The following CNTLN variants were observed in gnomAD, a reference collection of about 807,000 sequenced individuals.
CNTLN encodes the protein centlein, centrosomal protein.
Under a neutral mutation model 180.0 loss-of-function variants are expected in CNTLN, and 212 were observed. The observed-to-expected ratio is 1.18, with a 90% CI of 1.05 to 1.32. The LOEUF (loss-of-function observed/expected upper bound fraction) is 1.32. Ranked by LOEUF, CNTLN falls within the 40% of genes most tolerant of loss-of-function variation. CNTLN has a pLI of 0.00. For synonymous variants in CNTLN, 722 were observed against 563.1 expected, an observed-to-expected ratio of 1.28 and a Z score of -3.99; for missense variants, 2,095 against 1,610.9, an observed-to-expected ratio of 1.30 and a Z score of -5.14.
chr9:17,521,185 C>A, the CNTLN span, among the ~76,000 whole-genome samples: 2 of 151,322 alleles, frequency 1.3e-5, no homozygotes, highest in Non-Finnish European at 2.9e-5. Flanking sequence ...GGATGTGATT[C>A]CCAAACCTTC....
chr9:17,273,281 C>G (rs1001667081), intron 5 of CNTLN, among the ~76,000 whole-genome samples: 3 of 152,118 alleles, frequency 2.0e-5, no homozygotes, highest in Non-Finnish European at 4.4e-5. Flanking sequence ...GTCTCAAACT[C>G]TGAAAAACTT....
intron 16 of CNTLN, among the ~76,000 whole-genome samples, chr9:17,413,160 G>T (rs1403423961): frequency 6.6e-6 from 1 of 151,956 alleles, no homozygotes; most frequent in Non-Finnish European, 1.5e-5. Context: ...AAGGTGCAAA[G>T]GAAGGATAAT....
At chr9:17,285,502 T>C (rs962694457) in intron 6 of CNTLN, among the ~76,000 whole-genome samples, 12 of 141,850 alleles carry the variant, frequency 8.5e-5, no homozygotes, top group Non-Finnish European at 1.4e-4. Flanking sequence ...TGATTTATAG[T>C]TCTTTGGGTA....
At chr9:17,466,956 G>C in intron 23 of CNTLN, 65 bp downstream of exon 23, 5 of 1,146,380 alleles carry the variant, frequency 4.4e-6, no homozygotes, top group Non-Finnish European at 6.2e-6. Flanking sequence ...TAGCCTACTT[G>C]AGATGATTTG....
intron 5 of CNTLN, among the ~76,000 whole-genome samples, chr9:17,248,186 A>G (rs1825919188): frequency 6.6e-6 from 1 of 151,982 alleles, no homozygotes; most frequent in Non-Finnish European, 1.5e-5. Flanking sequence ...TGTTAAACCA[A>G]CCTTACATTA....
intron 2 of CNTLN, among the ~76,000 whole-genome samples, chr9:17,150,224 C>A (rs1459791290): frequency 2.6e-5 from 4 of 152,094 alleles, no homozygotes; most frequent in African/African-American, 9.7e-5. Flanking sequence ...AAGTCTTTGC[C>A]CATGCATATG....
chr9:17,254,594 A>C (rs1826358035), intron 5 of CNTLN, among the ~76,000 whole-genome samples: 1 of 151,508 alleles, frequency 6.6e-6, no homozygotes, highest in Non-Finnish European at 1.5e-5. Context: ...TACCTTTGTG[A>C]AAAGTGATTT....
chr9:17,311,765 C>A (rs112382049), intron 8 of CNTLN, among the ~76,000 whole-genome samples: 3 of 151,762 alleles, frequency 2.0e-5, no homozygotes, highest in Non-Finnish European at 4.4e-5. Context: ...GCCAAGATTG[C>A]GCCACTGCTC....
rs188091765 is a variant in CNTLN at position 17,227,715 on chromosome 9, G to T, written c.534+1428G>T. On this transcript the variant is annotated intron_variant, in intron 3 of 25. Coordinates refer to ENST00000380647, the MANE Select transcript of CNTLN (RefSeq NM_017738.4). ...TCTGTTCTTTCTAAAAAGGAATATT[G>T]ATTCCAATAAACTTAGAAATTTGAA... Among the ~76,000 whole-genome samples the T allele has an allele frequency of 1.6e-3, 242 of 152,088 alleles. 1 individual carries two copies. Among genetic ancestry groups the T allele is most frequent in the African/African-American group, 5.6e-3 (233 of 41,526 alleles).
chr9:17,433,081 A>G (rs1829526815), intron 18 of CNTLN, among the ~76,000 whole-genome samples: 1 of 151,642 alleles, frequency 6.6e-6, no homozygotes, highest in Non-Finnish European at 1.5e-5. Flanking sequence ...CTCCAAATCT[A>G]ACATTATTCT....
At chr9:17,433,535 C>T (rs892385254) in intron 18 of CNTLN, among the ~76,000 whole-genome samples, 1 of 152,160 alleles carries the variant, frequency 6.6e-6, no homozygotes, top group Non-Finnish European at 1.5e-5. Context: ...ATCCACCCAC[C>T]TCGGCCTCCC....
At chr9:17,181,529 G>C (rs1048215031) in intron 2 of CNTLN, among the ~76,000 whole-genome samples, 5 of 152,110 alleles carry the variant, frequency 3.3e-5, no homozygotes, top group Non-Finnish European at 5.9e-5. Context: ...CTTGGTGTTG[G>C]CATCTGTGGA....
chr9:17,269,016 G>A (rs1827731971), intron 5 of CNTLN, among the ~76,000 whole-genome samples: 1 of 152,042 alleles, frequency 6.6e-6, no homozygotes, highest in Non-Finnish European at 1.5e-5. Context: ...CCCTGCTCTG[G>A]CTAGCGCACG....
chr9:17,391,259 A>G (rs1564062758), intron 14 of CNTLN, among the ~76,000 whole-genome samples: 3 of 152,326 alleles, frequency 2.0e-5, no homozygotes, highest in South Asian at 2.1e-4. Context: ...GGTATAGGAC[A>G]GGACCCCTCT....
At position 17,209,914 on chromosome 9, in the gene CNTLN, G is replaced by A. The variant is rs532390909; in HGVS notation, c.450-16289G>A. The stretch of plus-strand genomic sequence containing the variant: ...ACAGAAGATAATCTAAACTTGAAAA[G>A]TAAATATTTTTCCATCTTTATGGAT... On this transcript the variant is annotated intron_variant, in intron 2 of 25. Coordinates refer to ENST00000380647, the MANE Select transcript of CNTLN (RefSeq NM_017738.4). 2.6e-5 allele frequency among the ~76,000 whole-genome samples: 4 copies of A among 152,240 alleles called. No individual in the cohort carries two copies. The South Asian group carries it at 8.3e-4, about 32-fold the overall frequency.
chr9:17,284,822 T>C (rs1040090444), intron 6 of CNTLN, among the ~76,000 whole-genome samples: 1 of 152,054 alleles, frequency 6.6e-6, no homozygotes, highest in Non-Finnish European at 1.5e-5. Context: ...TTGCTCTTGG[T>C]TCTCTATTTC....
At chr9:17,393,879 A>G (rs1826294411) in intron 14 of CNTLN, among the ~76,000 whole-genome samples, 1 of 152,178 alleles carries the variant, frequency 6.6e-6, no homozygotes, top group Non-Finnish European at 1.5e-5. Flanking sequence ...GAAATTCCTT[A>G]AGATTAACAA....
At chr9:17,188,956 ATG>A (rs1409255190) in intron 2 of CNTLN, among the ~76,000 whole-genome samples, 30 of 149,492 alleles carry the variant, frequency 2.0e-4, no homozygotes, top group Non-Finnish European at 4.3e-4. Context: ...ACTTGACATT[ATG>A]AATTTTATCT....
intron 7 of CNTLN, chr9:17,299,422 A>T: frequency 3.1e-6 from 3 of 968,198 alleles, no homozygotes; most frequent in Non-Finnish European, 3.7e-6. Context: ...ATCCCTCTAG[A>T]ATTACTGGAT....
Sources: gnomAD v4.1 joint callset for allele counts (sites outside exome capture counted in the v4.1 genomes callset) on GRCh38, gnomAD v4.1.1 for gene constraint, MANE v1.5 for transcripts, NCBI Gene and HGNC (gene_info 2026-07-23, HGNC 2026-07-21) for gene names.